Variants in STX12 observed in about 807,000 individuals in gnomAD.
STX12 encodes syntaxin-12.
A neutral mutation model predicts 42.2 loss-of-function variants in STX12; 17 were observed. That is an observed-to-expected ratio of 0.40 (90% CI 0.28 to 0.60). STX12 has a LOEUF of 0.60. Ranked by LOEUF, STX12 falls within the 20% of genes least tolerant of loss-of-function variation. The probability of loss-of-function intolerance (pLI) is 0.39; values close to 1 mark genes in which losing one functional copy is unlikely to be tolerated. For missense variants in STX12, 297 were observed against 330.9 expected, an observed-to-expected ratio of 0.90 and a Z score of 0.79; for synonymous variants, 108 against 116.7, an observed-to-expected ratio of 0.93 and a Z score of 0.48.
intron 7 of STX12, among the ~76,000 whole-genome samples, chr1:27,818,493 G>A (rs984891051): frequency 4.6e-5 from 7 of 151,994 alleles, no homozygotes; most frequent in African/African-American, 1.5e-4. Context: ...ATTTTTTTAT[G>A]TTATCAAATG....
chr1:27,782,741 C>A (rs1425414954), intron 1 of STX12, among the ~76,000 whole-genome samples: 1 of 152,154 alleles, frequency 6.6e-6, no homozygotes, highest in Non-Finnish European at 1.5e-5. Flanking sequence ...GAAGCTGAGA[C>A]AGGAGAATCA....
intron 2 of STX12, among the ~76,000 whole-genome samples, chr1:27,792,291 C>CATATATATGTATCTATATATATGTAG (rs2088753692): frequency 8.4e-6 from 1 of 118,398 alleles, no homozygotes; most frequent in Admixed American, 9.2e-5. Flanking sequence ...TATGTAGATA[C>CATATATATGTATCTATATATATGTAG]ATATATATGT....
chr1:27,788,313 A>G (rs1054716854), intron 1 of STX12, among the ~76,000 whole-genome samples: 3 of 152,252 alleles, frequency 2.0e-5, no homozygotes, highest in African/African-American at 7.2e-5. Flanking sequence ...AAAAGAAAAT[A>G]GAAAGCAAGG....
chr1:27,773,240 CG>C lies in STX12; in HGVS notation c.-65del. On this transcript the variant is annotated 5_prime_UTR_variant, in exon 1 of 9. Transcript: ENST00000373943. ...TCTTCCCAGTTTCTCCGTCAGCCTG[CG>C]GGTCCCGGCTGGCGGCTGCTTCCGG... 2 of 1,042,162 alleles carry C rather than the reference CG, an allele frequency of 1.9e-6. No homozygotes were observed. The highest frequency in any genetic ancestry group is 2.8e-5 in the South Asian group (2 of 72,262). The allele number at this position is 1,042,162 out of a possible 1,614,324, so 64.6% of individuals were successfully genotyped here.
At chr1:27,820,287 A>G (rs1025376394) in intron 8 of STX12, 1 of 152,110 alleles carries the variant, frequency 6.6e-6, no homozygotes, top group East Asian at 1.9e-4. Context: ...ACTTCCCTTC[A>G]ATTTGGTGTT....
chr1:27,807,517 C>T (rs527626890), intron 4 of STX12, among the ~76,000 whole-genome samples: 259 of 152,268 alleles, frequency 1.7e-3, no homozygotes, highest in Non-Finnish European at 3.1e-3. Context: ...CTATTTCATG[C>T]CCACCAGGAG....
chr1:27,798,312 C>T (rs373066221), intron 3 of STX12, among the ~76,000 whole-genome samples: 1 of 152,042 alleles, frequency 6.6e-6, no homozygotes, highest in East Asian at 1.9e-4. Context: ...GGGTGGATTG[C>T]TTGAGTACAG....
In STX12 at chr1:27,821,263, T is replaced by G. The variant is rs2088982563; in HGVS notation, c.733-968T>G. 2.0e-5 allele frequency among the ~76,000 whole-genome samples: 3 copies of G among 152,260 alleles called. No individual in the cohort carries two copies. The South Asian group carries it at 6.2e-4, about 32-fold the overall frequency. On this transcript the variant is annotated intron_variant, in intron 8 of 8. Coordinates refer to ENST00000373943, the MANE Select transcript of STX12 (RefSeq NM_177424.3). ...GGGAGTGCTCGTAAAGAAATTCGTA[T>G]TTAATAATAGTGTTTCCTTTAAAAA...
intron 5 of STX12, 132 bp downstream of exon 5, chr1:27,810,421 A>ACTC: frequency 1.3e-6 from 1 of 776,280 alleles, no homozygotes; most frequent in Non-Finnish European, 2.1e-6. Context: ...AACATAATCC[A>ACTC]CAGAATAAAA....
intron 6 of STX12, among the ~76,000 whole-genome samples, chr1:27,812,703 A>G (rs534805563): frequency 6.6e-6 from 1 of 152,190 alleles, no homozygotes. Flanking sequence ...GGCCTCCCAA[A>G]GTGCTGGGAT....
intron 7 of STX12, among the ~76,000 whole-genome samples, chr1:27,818,285 G>A (rs1354031671): frequency 2.0e-5 from 3 of 152,028 alleles, no homozygotes; most frequent in Non-Finnish European, 2.9e-5. Flanking sequence ...GGAGGCTGAG[G>A]CAGGAGAATC....
chr1:27,773,335 C>G lies in STX12; in HGVS notation c.28C>G (p.Arg10Gly), dbSNP rs758977915. 3 of 1,611,746 alleles carry G rather than the reference C, an allele frequency of 1.9e-6. No homozygotes were observed. Among genetic ancestry groups the G allele is most frequent in the Non-Finnish European group, 2.5e-6 (3 of 1,178,744 alleles). Residue 10 changes from arginine to glycine, a missense_variant, in exon 1 of 9, where the codon CGG becomes GGG. Physicochemically the swap from Arg to Gly is moderately radical, Grantham distance 125 (BLOSUM62 -2). Transcript: ENST00000373943. Reference protein sequence around the residue: MSYGPLDMYRNPGPSGPQLR... With the variant: MSYGPLDMYGNPGPSGPQLR... ...GTCATACGGTCCCTTAGACATGTAC[C>G]GGAACCCGGGGCCCTCGGGGCCCCA...
chr1:27,810,436 A>G (rs939031562), intron 5 of STX12, 147 bp downstream of exon 5: 31 of 714,540 alleles, frequency 4.3e-5, no homozygotes, highest in Non-Finnish European at 6.9e-5. Flanking sequence ...ATAAAATTAA[A>G]AAGGCAAAAC....
intron 5 of STX12, among the ~76,000 whole-genome samples, chr1:27,811,527 G>A (rs2088903771): frequency 6.6e-6 from 1 of 151,984 alleles, no homozygotes; most frequent in Non-Finnish European, 1.5e-5. Context: ...ATAGAGATGA[G>A]GGTTTTGCTA....
chr1:27,789,611 A>C lies in STX12; in HGVS notation c.168A>C (p.Ser56=), dbSNP rs2088725251. 1.9e-6 allele frequency: 3 copies of C among 1,613,510 alleles called. No homozygotes were observed. The highest frequency in any genetic ancestry group is 1.7e-6 in the Non-Finnish European group (2 of 1,179,722). Residue 56 remains serine, a synonymous_variant, in exon 2 of 9, where the codon TCA becomes TCC. Coordinates refer to ENST00000373943, the MANE Select transcript of STX12 (RefSeq NM_177424.3). Reference sequence around the variant, plus strand: ...GCCAGCTAGGAACTAAGCAGGACTCAAGCAAGCTACAGGAAAATCTGTGAG... The same window carrying C: ...GCCAGCTAGGAACTAAGCAGGACTCCAGCAAGCTACAGGAAAATCTGTGAG... ...LMSQLGTKQD[S]SKLQENLQQL... is the part of the protein sequence containing the mutation.
chr1:27,819,015 C>T (rs556321832), intron 7 of STX12, among the ~76,000 whole-genome samples: 1 of 152,130 alleles, frequency 6.6e-6, no homozygotes, highest in African/African-American at 2.4e-5. Flanking sequence ...GTTGCTCACG[C>T]TTGTAATCCC....
At chr1:27,817,111 G>A (rs923726976) in intron 6 of STX12, among the ~76,000 whole-genome samples, 3 of 150,578 alleles carry the variant, frequency 2.0e-5, no homozygotes, top group Admixed American at 6.6e-5. Flanking sequence ...AAGGGAGGGA[G>A]AGAAGGAGGG....
chr1:27,818,103 C>G lies in STX12; in HGVS notation c.649+180C>G. The G allele has an allele frequency of 7.1e-6, 4 of 564,188 alleles. No individual in the cohort carries two copies. In the South Asian group the frequency reaches 8.5e-5, roughly 12 times the overall value. 34.9% of individuals were successfully genotyped at this position (564,188 alleles called of 1,614,324 possible). On this transcript the variant is annotated intron_variant, in intron 7 of 8. Transcript: ENST00000373943. ...AAGAAAGAAAGAAAAAGGAGTTAGG[C>G]TAGGCGTGGTGGCTCAGGCCTGTAA...
intron 2 of STX12, among the ~76,000 whole-genome samples, chr1:27,789,927 A>G (rs72655054): frequency 5.9e-5 from 9 of 152,320 alleles, no homozygotes; most frequent in Non-Finnish European, 1.2e-4. Context: ...TATTCTGCTC[A>G]CAACTCTGCC....
Sources: gnomAD v4.1 joint callset for allele counts (sites outside exome capture counted in the v4.1 genomes callset) on GRCh38, gnomAD v4.1.1 for gene constraint, MANE v1.5 for transcripts, NCBI Gene and HGNC (gene_info 2026-07-23, HGNC 2026-07-21) for gene names.